The following PLCB1 variants were observed in gnomAD, a reference collection of about 807,000 sequenced individuals.
PLCB1 encodes 1-phosphatidylinositol 4,5-bisphosphate phosphodiesterase beta-1.
In PLCB1, 46 loss-of-function variants were observed where a neutral mutation model predicts 161.8. That is an observed-to-expected ratio of 0.28 (90% confidence interval 0.22 to 0.36). The LOEUF is 0.36. Ranked by LOEUF, PLCB1 falls within the 10% of genes least tolerant of loss-of-function variation. The pLI is 1.00. For missense variants in PLCB1, 1,016 were observed against 1,472.5 expected, an observed-to-expected ratio of 0.69 and a Z score of 5.07; for synonymous variants, 517 against 503.7, an observed-to-expected ratio of 1.03 and a Z score of -0.35.
rs574134935 is a variant in PLCB1 at position 8,272,297 on chromosome 20, G to A, written c.178-99085G>A. Among the ~76,000 whole-genome samples the A allele has an allele frequency of 4.6e-5, 7 of 152,164 alleles. No homozygotes were observed. The East Asian group carries it at 1.4e-3, about 29-fold the overall frequency. ...TTTGTGCCTTGAGAGGATTAGACTA[G>A]GGTAATATTATCACTGTTGATAATG... is the stretch of plus-strand genomic sequence containing the variant. On this transcript the variant is annotated intron_variant, in intron 2 of 31. Transcript: ENST00000338037.
At chr20:8,540,973 G>A (rs558107992) in intron 3 of PLCB1, among the ~76,000 whole-genome samples, 4 of 151,950 alleles carry the variant, frequency 2.6e-5, no homozygotes, top group East Asian at 3.9e-4. Context: ...TATTGTAACC[G>A]CCTGGCTCTC....
In PLCB1 at chr20:8,240,631, A is replaced by G. The variant is rs1024084010; in HGVS notation, c.177+90260A>G. Reference sequence around the variant, plus strand: ...ATAGGGAAGCGTAAATGCATTTTACATTTTAAGTGGCATTGCCAACTTATC... The same window carrying G: ...ATAGGGAAGCGTAAATGCATTTTACGTTTTAAGTGGCATTGCCAACTTATC... On this transcript the variant is annotated intron_variant, in intron 2 of 31. Coordinates refer to ENST00000338037, the MANE Select transcript of PLCB1 (RefSeq NM_015192.4). Among the ~76,000 whole-genome samples, 21 of 152,124 alleles carry G rather than the reference A, an allele frequency of 1.4e-4. No individual in the cohort carries two copies. In the South Asian group the frequency reaches 3.5e-3, roughly 25 times the overall value.
intron 9 of PLCB1, among the ~76,000 whole-genome samples, chr20:8,665,481 T>A (rs1008741338): frequency 6.6e-6 from 1 of 152,206 alleles, no homozygotes; most frequent in Non-Finnish European, 1.5e-5. Flanking sequence ...CTAACAGCCT[T>A]ATTTAATGTA....
intron 26 of PLCB1, among the ~76,000 whole-genome samples, chr20:8,771,799 C>T (rs184293453): frequency 4.4e-4 from 67 of 152,222 alleles, no homozygotes; most frequent in Non-Finnish European, 1.5e-4. Context: ...TCTTGATATG[C>T]AATAAAATCC....
chr20:8,218,424 A>G (rs2123158321), intron 2 of PLCB1, among the ~76,000 whole-genome samples: 1 of 152,192 alleles, frequency 6.6e-6, no homozygotes, highest in East Asian at 1.9e-4. Context: ...GTACACAGAA[A>G]AGCGTTGATT....
chr20:8,455,345 T>C (rs966537201), intron 3 of PLCB1, among the ~76,000 whole-genome samples: 26 of 129,424 alleles, frequency 2.0e-4, no homozygotes, highest in African/African-American at 6.5e-4. Flanking sequence ...AAAAAAAAAA[T>C]ACTGGTCAAT....
chr20:8,323,713 C>A (rs1042648255), intron 2 of PLCB1, among the ~76,000 whole-genome samples: 5 of 152,088 alleles, frequency 3.3e-5, no homozygotes, highest in Non-Finnish European at 7.4e-5. Flanking sequence ...GAAGGGGCAT[C>A]GATTTTACCT....
intron 3 of PLCB1, among the ~76,000 whole-genome samples, chr20:8,473,790 C>T (rs1020552438): frequency 3.3e-5 from 5 of 152,194 alleles, no homozygotes; most frequent in Non-Finnish European, 5.9e-5. Context: ...TGGATTCTTG[C>T]AAAGGCTGGG....
rs114302615 is a variant in PLCB1 at position 8,472,478 on chromosome 20, T to A, written c.246+101028T>A. Among the ~76,000 whole-genome samples, 1,460 of 152,244 alleles carry A rather than the reference T, an allele frequency of 9.6e-3. 25 individuals are homozygous for A. Among genetic ancestry groups the A allele is most frequent in the African/African-American group, 0.033 (1,356 of 41,524 alleles). ...CCACCTTAACTAGTTAAACTGATAT[T>A]ATAGAGCTTAGCTCTGACTCCAGAT... On this transcript the variant is annotated intron_variant, in intron 3 of 31. Coordinates refer to ENST00000338037, the MANE Select transcript of PLCB1 (RefSeq NM_015192.4).
At chr20:8,562,687 T>C (rs751426601) in intron 3 of PLCB1, among the ~76,000 whole-genome samples, 35 of 152,212 alleles carry the variant, frequency 2.3e-4, no homozygotes, top group Admixed American at 9.2e-4. Context: ...GCATTTTTAA[T>C]AAGCAAAACC....
intron 3 of PLCB1, among the ~76,000 whole-genome samples, chr20:8,440,467 C>G (rs975045019): frequency 5.9e-5 from 9 of 152,158 alleles, no homozygotes; most frequent in Non-Finnish European, 1.3e-4. Context: ...CCCTGTGGCA[C>G]CTGGACTTTC....
At chr20:8,823,120 C>G (rs7343759) in intron 31 of PLCB1, among the ~76,000 whole-genome samples, 2 of 152,086 alleles carry the variant, frequency 1.3e-5, no homozygotes, top group Admixed American at 6.5e-5. Context: ...TACTACACCC[C>G]TTTTTTGTTT....
chr20:8,860,056 G>A (rs920534893), intron 31 of PLCB1, among the ~76,000 whole-genome samples: 6 of 152,142 alleles, frequency 3.9e-5, no homozygotes, highest in South Asian at 2.1e-4. Flanking sequence ...GAATAACTGA[G>A]TTTGAATTCT....
At chr20:8,726,665 C>T (rs1397953622) in intron 16 of PLCB1, among the ~76,000 whole-genome samples, 1 of 151,944 alleles carries the variant, frequency 6.6e-6, no homozygotes, top group Non-Finnish European at 1.5e-5. Context: ...TCAATTACCC[C>T]CACTTGGTAA....
At chr20:8,736,421 AC>A (rs1980588329) in intron 19 of PLCB1, among the ~76,000 whole-genome samples, 1 of 152,228 alleles carries the variant, frequency 6.6e-6, no homozygotes, top group Non-Finnish European at 1.5e-5. Flanking sequence ...TAAAGTGAAT[AC>A]TTGTTCATTT....
chr20:8,229,922 GAC>G, intron 2 of PLCB1, among the ~76,000 whole-genome samples: 1 of 149,030 alleles, frequency 6.7e-6, no homozygotes, highest in African/African-American at 2.4e-5. Context: ...CAGATATGGG[GAC>G]ACACACTTGT....
intron 2 of PLCB1, among the ~76,000 whole-genome samples, chr20:8,159,769 C>T (rs1207376958): frequency 6.6e-6 from 1 of 151,874 alleles, no homozygotes; most frequent in Non-Finnish European, 1.5e-5. Context: ...GGGTGGATCA[C>T]CTGAGGTTGG....
At chr20:8,852,368 T>C (rs1363720233) in intron 31 of PLCB1, among the ~76,000 whole-genome samples, 1 of 152,202 alleles carries the variant, frequency 6.6e-6, no homozygotes, top group Non-Finnish European at 1.5e-5. Context: ...ACCAATTCTG[T>C]CCAATCCAGT....
At chr20:8,726,100 G>A (rs1304086495) in intron 16 of PLCB1, among the ~76,000 whole-genome samples, 1 of 152,052 alleles carries the variant, frequency 6.6e-6, no homozygotes, top group Non-Finnish European at 1.5e-5. Flanking sequence ...TAAGAAGAAC[G>A]AGGTTTTAAT....
Sources: gnomAD v4.1 joint callset for allele counts (sites outside exome capture counted in the v4.1 genomes callset) on GRCh38, gnomAD v4.1.1 for gene constraint, MANE v1.5 for transcripts, NCBI Gene and HGNC (gene_info 2026-07-23, HGNC 2026-07-21) for gene names.